Variants in DNAJC3 observed in about 807,000 individuals in gnomAD.
DNAJC3 encodes the protein dnaJ homolog subfamily C member 3.
DNAJC3 carries 38 observed loss-of-function variants against 68.6 expected under a neutral mutation model. The ratio of observed to expected loss-of-function variants is 0.55; its 90% CI spans 0.43 to 0.73. The LOEUF (loss-of-function observed/expected upper bound fraction) is 0.73, where lower values mean the gene tolerates loss of function less well. Among genes scored for constraint, DNAJC3 ranks in the 30% least tolerant of loss-of-function variants. The probability of loss-of-function intolerance (pLI) is 0.00; values close to 1 mark genes in which losing one functional copy is unlikely to be tolerated. For missense variants in DNAJC3, 526 were observed against 591.9 expected (o/e 0.89, Z 1.16); for synonymous variants, 203 against 204.0 (o/e 1.00, Z 0.04).
chr13:95,704,851 GTTTTTT>G (rs1193979630), intron 1 of DNAJC3, among the ~76,000 whole-genome samples: 1 of 97,860 alleles, frequency 1.0e-5, no homozygotes, highest in Admixed American at 1.0e-4. Context: ...GTGTGTGTGT[GTTTTTT>G]TTTTTTTTTT....
chr13:95,773,731 C>CTTTTTTTTTT (rs143145399), intron 9 of DNAJC3, among the ~76,000 whole-genome samples: 2 of 71,336 alleles, frequency 2.8e-5, no homozygotes, highest in African/African-American at 5.7e-5. Flanking sequence ...TTTTGTTGGT[C>CTTTTTTTTTT]TTTTTTTTTT....
At chr13:95,787,386 T>G (rs1380338722) in intron 11 of DNAJC3, among the ~76,000 whole-genome samples, 1 of 152,210 alleles carries the variant, frequency 6.6e-6, no homozygotes, top group Non-Finnish European at 1.5e-5. Flanking sequence ...GGCCTGAATT[T>G]GAATCTTTTT....
chr13:95,701,826 C>A (rs1420482928), intron 1 of DNAJC3, among the ~76,000 whole-genome samples: 1 of 152,128 alleles, frequency 6.6e-6, no homozygotes, highest in Non-Finnish European at 1.5e-5. Context: ...TTAACTTGTG[C>A]CCTCACAGTA....
chr13:95,765,080 C>G (rs562703048), intron 9 of DNAJC3, among the ~76,000 whole-genome samples: 1 of 152,108 alleles, frequency 6.6e-6, no homozygotes, highest in East Asian at 1.9e-4. Flanking sequence ...ACAACCTGGT[C>G]ACTACTATTT....
chr13:95,794,888 T>A lies in DNAJC3; in HGVS notation c.*3858T>A, dbSNP rs1160120828. The A allele has an allele frequency of 1.3e-5, 2 of 152,368 alleles. No homozygotes were observed. The highest frequency in any genetic ancestry group is 4.8e-5 in the African/African-American group (2 of 41,590). 9.4% of individuals were successfully genotyped at this position (152,368 alleles called of 1,614,324 possible). A position where few individuals can be genotyped will look rare whatever the true frequency, so the allele number is the denominator to read the frequency against. Reference sequence around the variant, plus strand: ...GTAGTGTTTTAATAAAAAAGGAACCTAATATTTGAAATGGGTCTCAGACAT... The same window carrying A: ...GTAGTGTTTTAATAAAAAAGGAACCAAATATTTGAAATGGGTCTCAGACAT... On this transcript the variant is annotated 3_prime_UTR_variant, in exon 12 of 12. Transcript: ENST00000602402.
chr13:95,755,756 C>CAA (rs56659621), intron 4 of DNAJC3, among the ~76,000 whole-genome samples: 202 of 15,022 alleles, frequency 0.013, 12 homozygotes, highest in Non-Finnish European at 0.017. Flanking sequence ...GACGCCGTCT[C>CAA]AAAAAAAAAA....
intron 1 of DNAJC3, among the ~76,000 whole-genome samples, chr13:95,706,580 T>A (rs771818691): frequency 4.6e-5 from 7 of 152,210 alleles, no homozygotes; most frequent in Non-Finnish European, 1.0e-4. Flanking sequence ...AGGGTGTGTC[T>A]TGAGGAGGAC....
intron 4 of DNAJC3, chr13:95,742,512 C>G (rs118143105): frequency 2.4e-6 from 1 of 421,638 alleles, no homozygotes; most frequent in African/African-American, 2.1e-5. Context: ...TTGGAGGAGT[C>G]CACAGTGGCA....
intron 2 of DNAJC3, among the ~76,000 whole-genome samples, chr13:95,718,068 C>T (rs1881209106): frequency 1.3e-5 from 2 of 152,160 alleles, no homozygotes; most frequent in Admixed American, 6.6e-5. Flanking sequence ...TTAAATCCAT[C>T]TCCCATGTTC....
chr13:95,775,786 C>T (rs1240336482), intron 9 of DNAJC3, among the ~76,000 whole-genome samples: 2 of 152,134 alleles, frequency 1.3e-5, no homozygotes, highest in Non-Finnish European at 2.9e-5. Flanking sequence ...GGGTCAGATA[C>T]ATGGAGTCTC....
intron 9 of DNAJC3, among the ~76,000 whole-genome samples, chr13:95,767,690 G>GTTTTTTTTTT (rs1566508280): frequency 2.1e-5 from 3 of 145,766 alleles, no homozygotes; most frequent in African/African-American, 8.1e-5. Context: ...CAGTTTTTTG[G>GTTTTTTTTTT]GTTTTTTTTT....
At chr13:95,694,637 A>G (rs1880378835) in intron 1 of DNAJC3, 1 of 152,554 alleles carries the variant, frequency 6.6e-6, no homozygotes, top group Non-Finnish European at 1.5e-5. Flanking sequence ...ATCTCCCCAC[A>G]CCATCCAACA....
At chr13:95,757,612 A>G in intron 4 of DNAJC3, 32 bp from the exon 5 acceptor site, 1 of 1,518,756 alleles carries the variant, frequency 6.6e-7, no homozygotes, top group Non-Finnish European at 8.9e-7. Flanking sequence ...AAGAGATTAA[A>G]AACTCTGCTT....
chr13:95,728,058 A>G (rs1379729292), intron 4 of DNAJC3, among the ~76,000 whole-genome samples: 2 of 152,096 alleles, frequency 1.3e-5, no homozygotes, highest in Non-Finnish European at 2.9e-5. Context: ...TTTTCTGGAG[A>G]TTTATCTAGA....
intron 1 of DNAJC3, among the ~76,000 whole-genome samples, chr13:95,699,129 C>T (rs1466037914): frequency 2.0e-5 from 3 of 152,128 alleles, no homozygotes; most frequent in African/African-American, 7.2e-5. Context: ...TAGACTGTGG[C>T]AAGTTCTGTT....
At chr13:95,691,078 C>T (rs1441843227) in intron 1 of DNAJC3, among the ~76,000 whole-genome samples, 2 of 144,284 alleles carry the variant, frequency 1.4e-5, no homozygotes, top group African/African-American at 2.6e-5. Context: ...TCCTCACTTC[C>T]CAGTAGGGGC....
At chr13:95,760,867 C>T (rs1332870132) in intron 7 of DNAJC3, 69 bp downstream of exon 7, 11 of 1,549,452 alleles carry the variant, frequency 7.1e-6, no homozygotes, top group African/African-American at 2.8e-5. Context: ...AAGTGAACTA[C>T]AGAACTGCTC....
Position 95,763,879 on chromosome 13 carries a change from A to G in DNAJC3, c.1001A>G (p.Gln334Arg). 1 of 1,614,138 alleles carries G rather than the reference A, an allele frequency of 6.2e-7. No individual in the cohort carries two copies. The highest frequency in any genetic ancestry group is 8.5e-7 in the Non-Finnish European group (1 of 1,179,978). ...EAIRVCSEVL[Q>R]MEPDNVNALK... Reference sequence around the variant, plus strand: ...ATTAGGGTTTGTTCTGAAGTTTTACAGATGGAACCTGACAATGTGAATGCC... The same window carrying G: ...ATTAGGGTTTGTTCTGAAGTTTTACGGATGGAACCTGACAATGTGAATGCC... Residue 334 changes from glutamine to arginine, a missense_variant, in exon 9 of 12, where the codon CAG (glutamine) becomes CGG (arginine). Transcript: ENST00000602402.
intron 1 of DNAJC3, chr13:95,693,909 A>G (rs935205330): frequency 2.0e-5 from 3 of 152,188 alleles, no homozygotes; most frequent in African/African-American, 7.2e-5. Flanking sequence ...CCACTCAAAA[A>G]GGCCTAATTA....
Sources: allele counts gnomAD v4.1 joint callset (sites outside exome capture counted in the v4.1 genomes callset), GRCh38; gene constraint gnomAD v4.1.1; transcripts MANE v1.5; gene names NCBI Gene and HGNC (gene_info 2026-07-23, HGNC 2026-07-21).